SPTLC3: variants seen among roughly 807,000 people sequenced by gnomAD.
The protein encoded by SPTLC3 is serine palmitoyltransferase long chain base subunit 3.
SPTLC3 carries 36 observed loss-of-function variants against 59.3 expected under a neutral mutation model. The observed-to-expected ratio is 0.61, with a 90% CI of 0.47 to 0.80. SPTLC3 has a LOEUF of 0.80. Among genes scored for constraint, SPTLC3 ranks in the 30% least tolerant of loss-of-function variants. The pLI, the probability that SPTLC3 is intolerant of heterozygous loss-of-function variation, is 0.00. For missense variants in SPTLC3, 625 were observed against 685.1 expected, an observed-to-expected ratio of 0.91 and a Z score of 0.98; for synonymous variants, 257 against 240.8, an observed-to-expected ratio of 1.07 and a Z score of -0.62.
chr20:13,109,552 T>G (rs764132289), intron 6 of SPTLC3, among the ~76,000 whole-genome samples: 6 of 152,224 alleles, frequency 3.9e-5, no homozygotes, highest in Non-Finnish European at 8.8e-5. Flanking sequence ...TAGGGCTCAA[T>G]AACTGTGAGC....
chr20:13,131,751 G>T (rs2038124749), intron 9 of SPTLC3, among the ~76,000 whole-genome samples: 1 of 152,032 alleles, frequency 6.6e-6, no homozygotes, highest in Admixed American at 6.5e-5. Flanking sequence ...CCTTTTTATG[G>T]CTTCTTCTCC....
At chr20:13,132,498 T>G (rs1030197220) in intron 9 of SPTLC3, among the ~76,000 whole-genome samples, 4 of 152,168 alleles carry the variant, frequency 2.6e-5, no homozygotes, top group African/African-American at 7.2e-5. Flanking sequence ...ACAGCATTTA[T>G]GAATACCTGA....
At chr20:13,127,750 A>C (rs567411660) in intron 9 of SPTLC3, among the ~76,000 whole-genome samples, 217 of 152,246 alleles carry the variant, frequency 1.4e-3, no homozygotes, top group Non-Finnish European at 2.2e-3. Flanking sequence ...TTTCTTTTTC[A>C]CTAAAGCAGG....
Position 13,104,866 on chromosome 20 carries a change from G to A in SPTLC3, c.827-5246G>A, listed in dbSNP as rs147037750. On this transcript the variant is annotated intron_variant, in intron 6 of 11. Coordinates refer to ENST00000399002, the MANE Select transcript of SPTLC3 (RefSeq NM_018327.4). ...GGTTTGTTTGGAGGGCTTTTGTTTG[G>A]GGAACTTTTTTTAACAAAACTTCTG... is the stretch of plus-strand genomic sequence containing the variant. 4.3e-3 allele frequency among the ~76,000 whole-genome samples: 646 copies of A among 151,882 alleles called. 3 individuals carry two copies. The highest frequency in any genetic ancestry group is 0.015 in the African/African-American group (611 of 41,390).
At chr20:13,039,708 A>G (rs1311671717) in intron 1 of SPTLC3, among the ~76,000 whole-genome samples, 2 of 152,056 alleles carry the variant, frequency 1.3e-5, no homozygotes, top group East Asian at 3.9e-4. Context: ...TTAGTGCTTT[A>G]TTCTATATTT....
rs576088094 is a variant in SPTLC3, at chr20:13,165,399, T to A, written c.*532T>A. ...ATGTTGTTTCTACCATTTGTCACAT[T>A]TGGACGTTTTTCACAGACAAGTGTC... On this transcript the variant is annotated 3_prime_UTR_variant, in exon 12 of 12. Coordinates refer to ENST00000399002, the MANE Select transcript of SPTLC3 (RefSeq NM_018327.4). The A allele has an allele frequency of 2.6e-5, 4 of 152,764 alleles. No homozygotes were observed. The highest frequency in any genetic ancestry group is 4.1e-4 in the South Asian group (2 of 4,850). 9.5% of individuals were successfully genotyped at this position (152,764 alleles called of 1,614,324 possible). A position where few individuals can be genotyped will look rare whatever the true frequency, so the allele number is the denominator to read the frequency against.
At chr20:13,014,066 A>G (rs1252619506) in intron 1 of SPTLC3, among the ~76,000 whole-genome samples, 1 of 152,218 alleles carries the variant, frequency 6.6e-6, no homozygotes, top group Admixed American at 6.5e-5. Flanking sequence ...ACTGGCTTCT[A>G]AGAGAGTAAA....
chr20:13,035,598 C>G (rs892379430), intron 1 of SPTLC3, among the ~76,000 whole-genome samples: 7 of 152,112 alleles, frequency 4.6e-5, no homozygotes, highest in African/African-American at 1.7e-4. Context: ...AAACTGCTAA[C>G]TGGTCAATGA....
intron 6 of SPTLC3, among the ~76,000 whole-genome samples, chr20:13,095,995 A>G (rs191613195): frequency 5.4e-4 from 83 of 152,298 alleles, no homozygotes; most frequent in Non-Finnish European, 1.1e-3. Context: ...AAAGGTAGAT[A>G]TGCATGCAAG....
chr20:13,118,455 A>G, intron 8 of SPTLC3, among the ~76,000 whole-genome samples: 1 of 151,256 alleles, frequency 6.6e-6, no homozygotes, highest in African/African-American at 2.4e-5. Context: ...TGTGGAAAAA[A>G]AAAACAAAAA....
chr20:13,046,718 A>T (rs1452603403), intron 1 of SPTLC3, among the ~76,000 whole-genome samples: 1 of 152,208 alleles, frequency 6.6e-6, no homozygotes, highest in Non-Finnish European at 1.5e-5. Flanking sequence ...TAGCAAGATC[A>T]GCCATCCATC....
intron 6 of SPTLC3, among the ~76,000 whole-genome samples, chr20:13,097,073 C>G (rs1413710755): frequency 6.6e-6 from 1 of 152,060 alleles, no homozygotes; most frequent in Admixed American, 6.6e-5. Context: ...TATGTTATTA[C>G]TATTATTACC....
In SPTLC3 at chr20:13,091,101, A is replaced by C. The variant is rs1289548464; in HGVS notation, c.626A>C (p.Lys209Thr). 1.9e-6 allele frequency: 3 copies of C among 1,614,004 alleles called. No homozygotes were observed. Residue 209 changes from lysine (K) to threonine (T), a missense_variant, in exon 5 of 12, where the codon AAG (lysine) becomes ACG (threonine). Transcript: ENST00000399002. ...RHEMGTLDKH[K>T]ELEDLVAKFL... ...TGTGCAGGCACCTTGGATAAGCACA[A>C]GGAGTTGGAGGACCTTGTGGCTAAG...
intron 6 of SPTLC3, among the ~76,000 whole-genome samples, chr20:13,099,104 CA>C (rs1345183622): frequency 6.6e-6 from 1 of 152,112 alleles, no homozygotes; most frequent in Non-Finnish European, 1.5e-5. Context: ...ATTCAGGCCG[CA>C]AAACAGCTAA....
chr20:13,096,715 T>C (rs1989428177), intron 6 of SPTLC3, among the ~76,000 whole-genome samples: 1 of 152,156 alleles, frequency 6.6e-6, no homozygotes, highest in Non-Finnish European at 1.5e-5. Flanking sequence ...GGTTACATTC[T>C]TATTTAAATT....
chr20:13,119,726 C>G (rs188398506), intron 8 of SPTLC3, among the ~76,000 whole-genome samples: 6 of 152,184 alleles, frequency 3.9e-5, no homozygotes, highest in African/African-American at 1.4e-4. Flanking sequence ...TAGAGCGTGT[C>G]TGGCAGAGAT....
intron 9 of SPTLC3, among the ~76,000 whole-genome samples, chr20:13,133,712 G>A (rs1318487021): frequency 1.3e-5 from 2 of 152,092 alleles, no homozygotes; most frequent in African/African-American, 4.8e-5. Flanking sequence ...GAGCTGAGAG[G>A]CCAAAGAAGA....
At chr20:13,032,309 C>T (rs942259117) in intron 1 of SPTLC3, among the ~76,000 whole-genome samples, 2 of 152,172 alleles carry the variant, frequency 1.3e-5, no homozygotes, top group African/African-American at 2.4e-5. Flanking sequence ...AGAACCTTCA[C>T]CCTAGCTGTC....
intron 9 of SPTLC3, among the ~76,000 whole-genome samples, chr20:13,153,643 A>G (rs2038700595): frequency 6.6e-6 from 1 of 152,088 alleles, no homozygotes; most frequent in Admixed American, 6.6e-5. Context: ...GGAAGTGGTT[A>G]TGTTCCTTCT....
Sources: allele counts gnomAD v4.1 joint callset (sites outside exome capture counted in the v4.1 genomes callset), GRCh38; gene constraint gnomAD v4.1.1; transcripts MANE v1.5; gene names NCBI Gene and HGNC (gene_info 2026-07-23, HGNC 2026-07-21).